Variants in CDH13 observed in about 807,000 individuals in gnomAD.
CDH13 encodes the protein cadherin 13, also known as cadherin-13.
CDH13 carries 24 observed loss-of-function variants against 63.8 expected under a neutral mutation model. The observed-to-expected ratio is 0.38, with a 90% CI of 0.27 to 0.53. The LOEUF (loss-of-function observed/expected upper bound fraction) is 0.53. CDH13 is among the 20% of genes least tolerant of loss of function. The pLI, the probability that CDH13 is intolerant of heterozygous loss-of-function variation, is 0.85. For missense variants in CDH13, 1,049 were observed against 903.1 expected (o/e 1.16, Z -2.07); for synonymous variants, 503 against 355.3 (o/e 1.42, Z -4.67).
chr16:83,350,675 G>A (rs918916560), intron 6 of CDH13, among the ~76,000 whole-genome samples: 3 of 152,146 alleles, frequency 2.0e-5, no homozygotes, highest in Non-Finnish European at 4.4e-5. Context: ...GGTATTCATA[G>A]CTGAGGAGGG....
rs537813968 is a variant in CDH13, at chr16:83,575,784, G to C, written c.961-26670G>C. ...CTCTTCAGCTATCATTTCACCATTA[G>C]AATTTAGCATAAACTTATATGATTA... On this transcript the variant is annotated intron_variant, in intron 7 of 13. Coordinates refer to ENST00000567109, the MANE Select transcript of CDH13 (RefSeq NM_001257.5). 9.9e-5 allele frequency among the ~76,000 whole-genome samples: 15 copies of C among 152,218 alleles called. No individual in the cohort carries two copies. In the Middle Eastern group the frequency reaches 0.01, roughly 104 times the overall value.
At chr16:83,215,624 G>C (rs2039475312) in intron 4 of CDH13, among the ~76,000 whole-genome samples, 2 of 151,726 alleles carry the variant, frequency 1.3e-5, no homozygotes, top group African/African-American at 4.9e-5. Flanking sequence ...CTTGGCGGCA[G>C]CTAAAGTGGC....
intron 3 of CDH13, among the ~76,000 whole-genome samples, chr16:83,068,092 A>T (rs1303642691): frequency 6.6e-6 from 1 of 152,188 alleles, no homozygotes; most frequent in Non-Finnish European, 1.5e-5. Flanking sequence ...TGGCAAAACA[A>T]GGGCCCCACC....
At chr16:83,776,694 A>G (rs554119145) in intron 11 of CDH13, among the ~76,000 whole-genome samples, 1 of 152,234 alleles carries the variant, frequency 6.6e-6, no homozygotes, top group East Asian at 1.9e-4. Context: ...CATTCTCCTT[A>G]CAAAATCCGG....
At position 83,795,016 on chromosome 16, in the gene CDH13, T is replaced by C. The variant is rs775893946; in HGVS notation, c.2135-7T>C. 1.3e-6 allele frequency: 2 copies of C among 1,594,748 alleles called. No individual in the cohort carries two copies. The highest frequency in any genetic ancestry group is 1.7e-6 in the Non-Finnish European group (2 of 1,170,152). On this transcript the variant is annotated splice_region_variant and splice_polypyrimidine_tract_variant and intron_variant, in intron 13 of 13. Coordinates refer to ENST00000567109, the MANE Select transcript of CDH13 (RefSeq NM_001257.5). The stretch of plus-strand genomic sequence containing the variant: ...TCCCGACTTAACTCTGAACCCTCTC[T>C]ATTCAGGTCTGTGAGAACTCCTGAC...
chr16:82,837,968 C>G (rs1485724020), intron 1 of CDH13, among the ~76,000 whole-genome samples: 2 of 152,204 alleles, frequency 1.3e-5, no homozygotes, highest in Non-Finnish European at 1.5e-5. Flanking sequence ...TGCTTCGTAA[C>G]TCTTTTCTGC....
At chr16:83,296,432 G>T (rs1403350591) in intron 5 of CDH13, among the ~76,000 whole-genome samples, 1 of 152,152 alleles carries the variant, frequency 6.6e-6, no homozygotes, top group East Asian at 1.9e-4. Context: ...GAAGAATAAG[G>T]CTGATAAGTA....
At chr16:83,675,010 T>C (rs1319992627) in intron 9 of CDH13, among the ~76,000 whole-genome samples, 3 of 152,298 alleles carry the variant, frequency 2.0e-5, no homozygotes, top group East Asian at 1.9e-4. Flanking sequence ...ATCCTTCCCA[T>C]GTGGGTCAAC....
At chr16:83,392,381 T>C (rs561808697) in intron 6 of CDH13, among the ~76,000 whole-genome samples, 17 of 152,356 alleles carry the variant, frequency 1.1e-4, no homozygotes, top group African/African-American at 4.1e-4. Context: ...TTATTTATGA[T>C]TGTTCCTAAA....
intron 7 of CDH13, among the ~76,000 whole-genome samples, chr16:83,514,181 C>A (rs756283886): frequency 1.3e-5 from 2 of 152,190 alleles, no homozygotes; most frequent in African/African-American, 4.8e-5. Flanking sequence ...CACAATTACT[C>A]CATGCAATAA....
At chr16:83,085,155 T>C (rs2033504080) in intron 3 of CDH13, among the ~76,000 whole-genome samples, 1 of 151,924 alleles carries the variant, frequency 6.6e-6, no homozygotes, top group Non-Finnish European at 1.5e-5. Flanking sequence ...TCCACATGGC[T>C]GGGGAGGCCC....
chr16:83,664,017 A>T (rs573302444), intron 8 of CDH13, among the ~76,000 whole-genome samples: 87 of 151,924 alleles, frequency 5.7e-4, no homozygotes, highest in Non-Finnish European at 9.1e-4. Flanking sequence ...AAAAAAATTT[A>T]AATTAGCCAG....
chr16:82,977,125 A>C (rs1909625897), intron 2 of CDH13, among the ~76,000 whole-genome samples: 2 of 152,222 alleles, frequency 1.3e-5, no homozygotes. Context: ...CTTCCACACC[A>C]ATGTGGCTCC....
chr16:83,773,511 A>C (rs1567586464), intron 11 of CDH13, among the ~76,000 whole-genome samples: 1 of 152,112 alleles, frequency 6.6e-6, no homozygotes, highest in Non-Finnish European at 1.5e-5. Context: ...AAACCATCCG[A>C]TCTCATGAGA....
chr16:82,855,638 G>T (rs1043904290), intron 1 of CDH13, among the ~76,000 whole-genome samples: 2 of 152,132 alleles, frequency 1.3e-5, no homozygotes, highest in African/African-American at 4.8e-5. Context: ...CTTCCAGAGC[G>T]ATCTAACCAG....
At chr16:83,008,274 G>T (rs962827692) in intron 2 of CDH13, among the ~76,000 whole-genome samples, 4 of 152,200 alleles carry the variant, frequency 2.6e-5, no homozygotes, top group African/African-American at 9.7e-5. Flanking sequence ...GTATTGAAAT[G>T]TTAGATGGGC....
chr16:83,025,922 C>A (rs1915759685), intron 2 of CDH13, among the ~76,000 whole-genome samples: 2 of 152,146 alleles, frequency 1.3e-5, no homozygotes, highest in African/African-American at 4.8e-5. Flanking sequence ...CGCAACTCAG[C>A]ACAGTTGTAT....
chr16:82,835,340 C>T (rs1032482710), intron 1 of CDH13, among the ~76,000 whole-genome samples: 18 of 152,128 alleles, frequency 1.2e-4, no homozygotes, highest in Non-Finnish European at 2.2e-4. Flanking sequence ...ACAGGGAATG[C>T]TCCGTATAAA....
In CDH13 at chr16:83,088,074, AAATACTTAGAAATATTTAG is replaced by A. The variant is rs569002417; in HGVS notation, c.367-37306_367-37288del. Among the ~76,000 whole-genome samples, 810 of 152,304 alleles carry A rather than the reference AAATACTTAGAAATATTTAG, an allele frequency of 5.3e-3. 5 individuals carry two copies. Among genetic ancestry groups the A allele is most frequent in the Non-Finnish European group, 8.3e-3 (564 of 68,022 alleles). ...CGGTTTTGCCACTGAAAGTAATGGC[AAATACTTAGAAATATTTAG>A]AATATTTAGAAAGTACCTGCTGTTC... On this transcript the variant is annotated intron_variant, in intron 3 of 13. Transcript: ENST00000567109.
Sources: allele counts gnomAD v4.1 joint callset (sites outside exome capture counted in the v4.1 genomes callset), GRCh38; gene constraint gnomAD v4.1.1; transcripts MANE v1.5; gene names NCBI Gene and HGNC (gene_info 2026-07-23, HGNC 2026-07-21).